Variants in DDO observed in about 807,000 individuals in gnomAD.
The protein encoded by DDO is D-aspartate oxidase.
A neutral mutation model predicts 16.8 loss-of-function variants in DDO; 16 were observed. That is an observed-to-expected ratio of 0.95 (90% CI 0.65 to 1.45). The LOEUF is 1.45. DDO is among the 40% of genes most tolerant of loss of function. The probability of loss-of-function intolerance (pLI) is 0.00; values close to 1 mark genes in which losing one functional copy is unlikely to be tolerated. For missense variants in DDO, 429 were observed against 420.3 expected (o/e 1.02, Z -0.18); for synonymous variants, 180 against 167.2 (o/e 1.08, Z -0.59).
In DDO at chr6:110,394,469, A is replaced by G. The variant is rs563035283; in HGVS notation, c.459-1127T>C. ...CCCAATAAACAATAACCCCCAGGAC[A>G]TGTAATCTTATTCACAGGTCACTTG... On this transcript the variant is annotated intron_variant, in intron 4 of 4. Transcript: ENST00000368924. 2.0e-5 allele frequency among the ~76,000 whole-genome samples: 3 copies of G among 152,304 alleles called. No individual in the cohort carries two copies. The East Asian group carries it at 5.8e-4, about 29-fold the overall frequency.
intron 4 of DDO, among the ~76,000 whole-genome samples, chr6:110,393,854 A>G (rs1773200291): frequency 6.6e-6 from 1 of 152,244 alleles, no homozygotes; most frequent in Non-Finnish European, 1.5e-5. Flanking sequence ...AGAAGAACAC[A>G]AAATATTTGT....
rs1773921929 is a variant in DDO, at chr6:110,413,295, A to G, written c.168T>C (p.Tyr56=). The change falls in exon 2 of 5, where the codon TAT becomes TAC. Residue 56 remains tyrosine, a synonymous_variant. Transcript: ENST00000368924. The part of the protein sequence containing the change: ...VAAGMLIPHT[Y]PDTPIHTQKQ... Reference sequence around the variant, plus strand: ...AGAGGAGCTGAAATCTCTCACCTGGATAAGTGTGAGGAATAAGCATTCCGG... The same window carrying G: ...AGAGGAGCTGAAATCTCTCACCTGGGTAAGTGTGAGGAATAAGCATTCCGG... 5 of 1,613,860 alleles carry G rather than the reference A, an allele frequency of 3.1e-6. No homozygotes were observed. Among genetic ancestry groups the G allele is most frequent in the African/African-American group, 1.3e-5 (1 of 74,926 alleles).
In DDO at chr6:110,408,209, G is replaced by A. The variant is rs116845315; in HGVS notation, c.281+125C>T. 2.1e-3 allele frequency: 1,661 copies of A among 809,918 alleles called. 4 individuals are homozygous for A. The highest frequency in any genetic ancestry group is 2.9e-3 in the Non-Finnish European group (1,483 of 515,756). 50.2% of individuals were successfully genotyped at this position (809,918 alleles called of 1,614,324 possible). ...GGGTAAAGCCTATAATGCTCTTTCCGAATCCTCCTGCATCTAAGTCAGCAC... is the reference window on the plus strand; with the variant it reads ...GGGTAAAGCCTATAATGCTCTTTCCAAATCCTCCTGCATCTAAGTCAGCAC... On this transcript the variant is annotated intron_variant, in intron 3 of 4. Coordinates refer to ENST00000368924, the MANE Select transcript of DDO (RefSeq NM_001372108.2).
chr6:110,395,687 TA>T (rs1773266741), intron 4 of DDO, among the ~76,000 whole-genome samples: 1 of 152,012 alleles, frequency 6.6e-6, no homozygotes, highest in Admixed American at 6.6e-5. Context: ...AGGAAAATAA[TA>T]AAAAAGACAG....
At chr6:110,406,823 C>T (rs1235727136) in intron 3 of DDO, among the ~76,000 whole-genome samples, 1 of 149,022 alleles carries the variant, frequency 6.7e-6, no homozygotes, top group African/African-American at 2.5e-5. Flanking sequence ...ATCTGGATGG[C>T]TTCTCATCAC....
At chr6:110,396,689 T>A (rs1354259914) in intron 4 of DDO, among the ~76,000 whole-genome samples, 1 of 149,088 alleles carries the variant, frequency 6.7e-6, no homozygotes, top group African/African-American at 2.5e-5. Flanking sequence ...CTGGAGCTAC[T>A]GTTTTGTTTG....
At chr6:110,406,246 A>G (rs1404323404) in intron 3 of DDO, among the ~76,000 whole-genome samples, 5 of 152,122 alleles carry the variant, frequency 3.3e-5, no homozygotes, top group African/African-American at 9.7e-5. Flanking sequence ...TCCCCACTAG[A>G]TAAGTCCACT....
chr6:110,402,227 A>C (rs989520226), intron 4 of DDO, among the ~76,000 whole-genome samples: 15 of 152,226 alleles, frequency 9.9e-5, no homozygotes, highest in African/African-American at 3.6e-4. Context: ...ATTTATATTT[A>C]CATGTGGACA....
intron 4 of DDO, among the ~76,000 whole-genome samples, chr6:110,395,663 C>G (rs1773266297): frequency 6.6e-6 from 1 of 152,056 alleles, no homozygotes. Context: ...GCCAGATAAA[C>G]AGGTTTAATG....
chr6:110,404,213 C>T (rs568839028), intron 4 of DDO, among the ~76,000 whole-genome samples: 302 of 152,096 alleles, frequency 2.0e-3, no homozygotes, highest in African/African-American at 6.9e-3. Context: ...AAAAGTAAGC[C>T]GAAATGCAAG....
At chr6:110,412,600 T>C (rs562146531) in intron 2 of DDO, among the ~76,000 whole-genome samples, 30 of 152,150 alleles carry the variant, frequency 2.0e-4, no homozygotes, top group Non-Finnish European at 3.7e-4. Flanking sequence ...CTGTCCAGAG[T>C]GTTTAATCAC....
At chr6:110,393,441 G>A (rs1157861553) in intron 4 of DDO, 99 bp from the exon 5 acceptor site, 3 of 1,467,332 alleles carry the variant, frequency 2.0e-6, no homozygotes, top group Non-Finnish European at 2.7e-6. Context: ...ATTAGGTGAT[G>A]ATCTGATGAA....
intron 3 of DDO, among the ~76,000 whole-genome samples, chr6:110,407,908 C>G (rs1224806589): frequency 9.9e-5 from 15 of 152,174 alleles, no homozygotes; most frequent in Admixed American, 9.2e-4. Flanking sequence ...TTTGGAATAT[C>G]TCATTCTCCA....
intron 4 of DDO, among the ~76,000 whole-genome samples, chr6:110,403,338 C>A (rs538624666): frequency 1.3e-4 from 20 of 152,114 alleles, no homozygotes; most frequent in African/African-American, 4.3e-4. Context: ...AGCATCAATG[C>A]TTCTAATTTT....
At chr6:110,398,388 A>G in intron 4 of DDO, among the ~76,000 whole-genome samples, 1 of 50,550 alleles carries the variant, frequency 2.0e-5, no homozygotes, top group East Asian at 1.1e-3. Flanking sequence ...ATGCGTACAC[A>G]CACACACACA....
chr6:110,396,913 T>C (rs1364037166), intron 4 of DDO, among the ~76,000 whole-genome samples: 1 of 152,168 alleles, frequency 6.6e-6, no homozygotes, highest in East Asian at 1.9e-4. Flanking sequence ...AACATTGGCA[T>C]AGAAAGAAAA....
At chr6:110,407,082 A>G (rs1488292812) in intron 3 of DDO, among the ~76,000 whole-genome samples, 1 of 152,222 alleles carries the variant, frequency 6.6e-6, no homozygotes, top group Non-Finnish European at 1.5e-5. Context: ...AAAGAACCTG[A>G]TACTGAAGAA....
At chr6:110,414,842 G>A (rs915484374) in intron 1 of DDO, among the ~76,000 whole-genome samples, 14 of 152,192 alleles carry the variant, frequency 9.2e-5, no homozygotes, top group Non-Finnish European at 1.5e-4. Context: ...TACAAACCAT[G>A]GCCACCCACA....
chr6:110,393,234 C>G lies in DDO; in HGVS notation c.567G>C (p.Gln189His), dbSNP rs150793707. The G allele has an allele frequency of 7.3e-5, 118 of 1,614,240 alleles. No homozygotes were observed. In the African/African-American group the frequency reaches 1.2e-3, roughly 17 times the overall value. Residue 189 changes from glutamine (Q) to histidine (H), a missense_variant, in exon 5 of 5, where the codon CAG becomes CAC. Physicochemically the swap from Gln to His is conservative, Grantham distance 24 (BLOSUM62 0). Coordinates refer to ENST00000368924, the MANE Select transcript of DDO (RefSeq NM_001372108.2). ...GGAAAATCTTTGAGTCTCCTGCAAG[C>G]TGTCTGCTTCCAAGGCCTGAACAGT... Reference protein sequence around the residue: ...VVNCSGLGSRQLAGDSKIFPV... With the variant: ...VVNCSGLGSRHLAGDSKIFPV...
Sources: allele counts gnomAD v4.1 joint callset (sites outside exome capture counted in the v4.1 genomes callset), GRCh38; gene constraint gnomAD v4.1.1; transcripts MANE v1.5; gene names NCBI Gene and HGNC (gene_info 2026-07-23, HGNC 2026-07-21).